Variants in ERC1 observed in about 807,000 individuals in gnomAD.
ERC1 encodes RAB6 interacting protein 2.
A neutral mutation model predicts 132.0 loss-of-function variants in ERC1; 56 were observed. That is an observed-to-expected ratio of 0.42 (90% CI 0.34 to 0.53). The LOEUF (loss-of-function observed/expected upper bound fraction) is 0.53, where lower values mean the gene tolerates loss of function less well. ERC1 is among the 20% of genes least tolerant of loss of function. The pLI is 0.03. For synonymous variants in ERC1, 478 were observed against 476.1 expected (o/e 1.00, Z -0.05); for missense variants, 1,202 against 1,349.9 (o/e 0.89, Z 1.72).
intron 17 of ERC1, among the ~76,000 whole-genome samples, chr12:1,410,757 T>C (rs1192525185): frequency 6.6e-6 from 1 of 152,096 alleles, no homozygotes; most frequent in Non-Finnish European, 1.5e-5. Flanking sequence ...GTGATTTTAT[T>C]AATTACCCTT....
chr12:1,212,622 A>G (rs1341948008), intron 12 of ERC1, among the ~76,000 whole-genome samples: 1 of 152,210 alleles, frequency 6.6e-6, no homozygotes, highest in African/African-American at 2.4e-5. Flanking sequence ...TACGATTCGA[A>G]CGTTGAGTAG....
chr12:1,336,793 A>G (rs749838280), intron 15 of ERC1, among the ~76,000 whole-genome samples: 2 of 151,268 alleles, frequency 1.3e-5, no homozygotes, highest in Non-Finnish European at 2.9e-5. Flanking sequence ...GGTCCTGAAT[A>G]TCTTTATTAA....
At chr12:1,436,643 G>A (rs532677863) in intron 17 of ERC1, among the ~76,000 whole-genome samples, 24 of 150,240 alleles carry the variant, frequency 1.6e-4, no homozygotes, top group Non-Finnish European at 2.8e-4. Context: ...AGGTGGTGTC[G>A]TGCTTGACTG....
At chr12:1,472,705 AAGG>A (rs1426564512) in intron 18 of ERC1, among the ~76,000 whole-genome samples, 1 of 152,038 alleles carries the variant, frequency 6.6e-6, no homozygotes, top group Non-Finnish European at 1.5e-5. Context: ...AAAAGGAAAA[AAGG>A]AAGGAAGGGA....
chr12:1,273,590 G>T (rs1330467809), intron 14 of ERC1, among the ~76,000 whole-genome samples: 2 of 152,150 alleles, frequency 1.3e-5, no homozygotes, highest in African/African-American at 4.8e-5. Context: ...CCACGTTTCT[G>T]TTGAACACTT....
Position 1,356,570 on chromosome 12 carries a change from C to A in ERC1, c.2781-15263C>A, listed in dbSNP as rs562866956. On this transcript the variant is annotated intron_variant, in intron 15 of 18. Coordinates refer to ENST00000360905, the MANE Select transcript of ERC1 (RefSeq NM_178040.4). ...AATAATGCCATAGCTAAGGAGAGAACCTTCAAATTAAAAACAAAAACACTT... is the reference window on the plus strand; with the variant it reads ...AATAATGCCATAGCTAAGGAGAGAAACTTCAAATTAAAAACAAAAACACTT... 2.6e-5 allele frequency among the ~76,000 whole-genome samples: 4 copies of A among 152,220 alleles called. No homozygotes were observed. In the South Asian group the frequency reaches 6.2e-4, roughly 24 times the overall value.
chr12:1,373,981 C>T (rs1485011966), intron 16 of ERC1, among the ~76,000 whole-genome samples: 3 of 152,198 alleles, frequency 2.0e-5, no homozygotes, highest in African/African-American at 7.2e-5. Context: ...TCCTGCCTCC[C>T]TTTTACATTC....
At chr12:1,115,788 C>T in intron 6 of ERC1, 78 bp from the exon 7 acceptor site, 1 of 1,247,928 alleles carries the variant, frequency 8.0e-7, no homozygotes, top group Non-Finnish European at 1.1e-6. Flanking sequence ...TATTTTGTGA[C>T]TCAGATCTGT....
chr12:1,330,309 G>T (rs1343852502), intron 15 of ERC1, among the ~76,000 whole-genome samples: 1 of 152,136 alleles, frequency 6.6e-6, no homozygotes, highest in Non-Finnish European at 1.5e-5. Context: ...CTTGCTCTTA[G>T]CTAAGGCTGA....
intron 1 of ERC1, among the ~76,000 whole-genome samples, chr12:1,006,893 C>G (rs567822167): frequency 9.3e-5 from 14 of 150,682 alleles, no homozygotes; most frequent in African/African-American, 3.4e-4. Flanking sequence ...TTTTCTTTTT[C>G]TCGTTCCTCA....
chr12:1,175,010 T>C (rs143138079), intron 8 of ERC1, among the ~76,000 whole-genome samples: 32 of 152,392 alleles, frequency 2.1e-4, no homozygotes, highest in African/African-American at 7.0e-4. Context: ...GTTATGTTTA[T>C]ACTATATTGT....
chr12:1,281,038 A>G (rs1313397558), intron 14 of ERC1, among the ~76,000 whole-genome samples: 2 of 152,154 alleles, frequency 1.3e-5, no homozygotes, highest in Admixed American at 1.3e-4. Context: ...TGCAAATGAG[A>G]AGAATTAAAA....
At chr12:1,414,176 G>A (rs1302930152) in intron 17 of ERC1, among the ~76,000 whole-genome samples, 1 of 152,208 alleles carries the variant, frequency 6.6e-6, no homozygotes, top group African/African-American at 2.4e-5. Flanking sequence ...CCACGGACAG[G>A]TGCTGGTTCA....
intron 17 of ERC1, among the ~76,000 whole-genome samples, chr12:1,410,984 G>T (rs2154395608): frequency 6.6e-6 from 1 of 152,138 alleles, no homozygotes; most frequent in Non-Finnish European, 1.5e-5. Context: ...CTCACAGTCA[G>T]CACCTCGGAC....
At chr12:1,216,266 C>T (rs1342663825) in intron 12 of ERC1, among the ~76,000 whole-genome samples, 2 of 152,040 alleles carry the variant, frequency 1.3e-5, no homozygotes, top group East Asian at 3.8e-4. Flanking sequence ...TTTTAACTAA[C>T]ATTTATTGAG....
intron 18 of ERC1, among the ~76,000 whole-genome samples, chr12:1,474,898 C>T (rs952580964): frequency 1.2e-4 from 18 of 152,208 alleles, no homozygotes; most frequent in South Asian, 4.1e-4. Flanking sequence ...CCCCTTCCCT[C>T]TGCTGCATAC....
At chr12:1,372,201 T>A (rs566142766) in intron 16 of ERC1, among the ~76,000 whole-genome samples, 1 of 152,328 alleles carries the variant, frequency 6.6e-6, no homozygotes, top group South Asian at 2.1e-4. Flanking sequence ...ATGTCACAGG[T>A]CTTCTATGAG....
chr12:1,370,708 T>A (rs1304708773), intron 15 of ERC1, among the ~76,000 whole-genome samples: 1 of 151,924 alleles, frequency 6.6e-6, no homozygotes, highest in Non-Finnish European at 1.5e-5. Context: ...TAGTTTTTTT[T>A]AAAAGGTTAA....
intron 2 of ERC1, among the ~76,000 whole-genome samples, chr12:1,060,431 G>GT (rs1332689969): frequency 2.0e-5 from 3 of 152,040 alleles, no homozygotes; most frequent in Admixed American, 6.6e-5. Context: ...GCGGTGTTTG[G>GT]TTTTTTGTCC....
Sources: allele counts gnomAD v4.1 joint callset (sites outside exome capture counted in the v4.1 genomes callset), GRCh38; gene constraint gnomAD v4.1.1; transcripts MANE v1.5; gene names NCBI Gene and HGNC (gene_info 2026-07-23, HGNC 2026-07-21).